Variants in TSC22D1 observed in about 807,000 individuals in gnomAD.
TSC22D1 encodes the protein TSC22 domain family protein 1.
A neutral mutation model predicts 74.2 loss-of-function variants in TSC22D1; 9 were observed. The ratio of observed to expected loss-of-function variants is 0.12; its 90% confidence interval spans 0.07 to 0.21. TSC22D1 has a LOEUF of 0.21. Ranked by LOEUF, TSC22D1 falls within the 10% of genes least tolerant of loss-of-function variation. TSC22D1 has a pLI of 1.00. For missense variants in TSC22D1, 1,427 were observed against 1,304.7 expected (o/e 1.09, Z -1.44); for synonymous variants, 586 against 492.5 (o/e 1.19, Z -2.51).
At chr13:44,467,382 A>C (rs1233657177) in intron 1 of TSC22D1, among the ~76,000 whole-genome samples, 1 of 152,158 alleles carries the variant, frequency 6.6e-6, no homozygotes, top group African/African-American at 2.4e-5. Context: ...GTGTAACAAA[A>C]ACAAAAATAA....
At chr13:44,570,914 C>T (rs752422536) in intron 1 of TSC22D1, among the ~76,000 whole-genome samples, 6 of 152,106 alleles carry the variant, frequency 3.9e-5, no homozygotes, top group Non-Finnish European at 7.4e-5. Flanking sequence ...TGAAAATTAA[C>T]TTTTTTCCAA....
At chr13:44,556,722 T>C (rs1040219358) in intron 1 of TSC22D1, among the ~76,000 whole-genome samples, 10 of 151,980 alleles carry the variant, frequency 6.6e-5, no homozygotes, top group African/African-American at 2.2e-4. Context: ...AAAAACTAGT[T>C]GGACGTGGTG....
chr13:44,515,715 G>C (rs1879948363), intron 1 of TSC22D1, among the ~76,000 whole-genome samples: 1 of 152,320 alleles, frequency 6.6e-6, no homozygotes, highest in East Asian at 1.9e-4. Context: ...GGGATTGCAG[G>C]TGTGAGCTAC....
At chr13:44,449,211 G>A (rs1278884781) in intron 1 of TSC22D1, among the ~76,000 whole-genome samples, 1 of 152,176 alleles carries the variant, frequency 6.6e-6, no homozygotes, top group Non-Finnish European at 1.5e-5. Flanking sequence ...ATCAGTCCCA[G>A]TGCCAGTGAG....
chr13:44,492,072 C>T (rs141969495), intron 1 of TSC22D1, among the ~76,000 whole-genome samples: 30 of 152,262 alleles, frequency 2.0e-4, no homozygotes, highest in African/African-American at 6.0e-4. Context: ...GGTACATTCA[C>T]GTCTAAGTTT....
intron 1 of TSC22D1, among the ~76,000 whole-genome samples, chr13:44,559,260 A>G (rs550727492): frequency 2.0e-5 from 3 of 152,320 alleles, no homozygotes; most frequent in African/African-American, 7.2e-5. Context: ...TATAGCCCAA[A>G]CCAGGGATTT....
chr13:44,534,885 C>A (rs1013955138), intron 1 of TSC22D1, among the ~76,000 whole-genome samples: 3 of 152,118 alleles, frequency 2.0e-5, no homozygotes, highest in Admixed American at 6.5e-5. Flanking sequence ...AGGCAATAAT[C>A]TCATGAAATA....
At chr13:44,536,160 C>T (rs1881119594) in intron 1 of TSC22D1, among the ~76,000 whole-genome samples, 1 of 151,830 alleles carries the variant, frequency 6.6e-6, no homozygotes, top group African/African-American at 2.4e-5. Context: ...TAAATCATAA[C>T]TGCCTTTTAG....
chr13:44,537,712 T>C (rs1881236615), intron 1 of TSC22D1: 1 of 984,594 alleles, frequency 1.0e-6, no homozygotes, highest in South Asian at 4.7e-5. Context: ...TCTGGGGAAA[T>C]TTCAGTTCAA....
chr13:44,484,737 GT>G (rs1375560507), intron 1 of TSC22D1, among the ~76,000 whole-genome samples: 2 of 152,150 alleles, frequency 1.3e-5, no homozygotes, highest in African/African-American at 4.8e-5. Context: ...TAGTACAGCA[GT>G]ATCATTAGCT....
At chr13:44,474,157 A>C (rs1212942546) in intron 1 of TSC22D1, 1 of 843,292 alleles carries the variant, frequency 1.2e-6, no homozygotes. Context: ...ACTAGGCAGG[A>C]CTTAGGACAA....
chr13:44,522,472 T>C (rs1447413834), intron 1 of TSC22D1, among the ~76,000 whole-genome samples: 3 of 152,118 alleles, frequency 2.0e-5, no homozygotes, highest in Non-Finnish European at 4.4e-5. Context: ...CTGCAATAAT[T>C]AGGCAAGAGA....
In TSC22D1 at chr13:44,575,919, G is replaced by C. The variant is rs1260956439; in HGVS notation, c.156C>G (p.Ala52=). Reference sequence around the variant, plus strand: ...GAGGCGGAAAATCCTCGGAAGATGTGGCATTACTACCGACGCCGGTACCTG... The same window carrying C: ...GAGGCGGAAAATCCTCGGAAGATGTCGCATTACTACCGACGCCGGTACCTG... The part of the protein sequence containing the change: ...NAAGTGVGSN[A]TSSEDFPPPS... Residue 52 remains alanine, a synonymous_variant, in exon 1 of 3, where the codon GCC becomes GCG. Transcript: ENST00000458659. 8.1e-6 allele frequency: 13 copies of C among 1,613,658 alleles called. No homozygotes were observed. In the East Asian group the frequency reaches 2.9e-4, roughly 36 times the overall value.
At chr13:44,572,615 G>A (rs758386982) in intron 1 of TSC22D1, among the ~76,000 whole-genome samples, 6 of 152,104 alleles carry the variant, frequency 3.9e-5, no homozygotes, top group African/African-American at 1.2e-4. Flanking sequence ...AAATAAGTAC[G>A]CAAAAGTTGG....
chr13:44,520,124 G>C (rs1375321227), intron 1 of TSC22D1, among the ~76,000 whole-genome samples: 6 of 152,176 alleles, frequency 3.9e-5, no homozygotes, highest in Non-Finnish European at 8.8e-5. Flanking sequence ...TCTGTGTGAA[G>C]GTATTCAATC....
intron 1 of TSC22D1, among the ~76,000 whole-genome samples, chr13:44,505,398 CA>C (rs761077076): frequency 3.3e-5 from 5 of 152,030 alleles, no homozygotes; most frequent in African/African-American, 4.8e-5. Context: ...TACAAAAATA[CA>C]AAAAATTAGC....
At chr13:44,524,515 G>C (rs1305186159) in intron 1 of TSC22D1, among the ~76,000 whole-genome samples, 1 of 152,156 alleles carries the variant, frequency 6.6e-6, no homozygotes, top group Non-Finnish European at 1.5e-5. Flanking sequence ...TGGCAAACCA[G>C]CCTTAAGGGG....
At chr13:44,572,012 GAATAT>G (rs1190255364) in intron 1 of TSC22D1, among the ~76,000 whole-genome samples, 1 of 151,850 alleles carries the variant, frequency 6.6e-6, no homozygotes, top group African/African-American at 2.4e-5. Flanking sequence ...CATACATATA[GAATAT>G]AAATGCTTAA....
Position 44,519,229 on chromosome 13 carries a change from G to T in TSC22D1, c.2912+53934C>A, listed in dbSNP as rs547213923. 2.4e-4 allele frequency among the ~76,000 whole-genome samples: 37 copies of T among 152,166 alleles called. 1 individual carries two copies. The highest frequency in any genetic ancestry group is 8.4e-4 in the African/African-American group (35 of 41,530). ...GTATGTTTTACATCTATCATGTTAG[G>T]TTTCTTCTTTCACTGATTACTTTCC... On this transcript the variant is annotated intron_variant, in intron 1 of 2. Coordinates refer to ENST00000458659, the MANE Select transcript of TSC22D1 (RefSeq NM_183422.4).
Sources: gnomAD v4.1 joint callset for allele counts (sites outside exome capture counted in the v4.1 genomes callset) on GRCh38, gnomAD v4.1.1 for gene constraint, MANE v1.5 for transcripts, NCBI Gene and HGNC (gene_info 2026-07-23, HGNC 2026-07-21) for gene names.